The following JAZF1 variants were observed in gnomAD, a reference collection of about 807,000 sequenced individuals.
JAZF1 encodes JAZF zinc finger 1.
A neutral mutation model predicts 26.4 loss-of-function variants in JAZF1; 8 were observed. That is an observed-to-expected ratio of 0.30 (90% CI 0.18 to 0.55). JAZF1 has a LOEUF of 0.55. Ranked by LOEUF, JAZF1 falls within the 20% of genes least tolerant of loss-of-function variation. The pLI, the probability that JAZF1 is intolerant of heterozygous loss-of-function variation, is 0.94. For missense variants in JAZF1, 199 were observed against 322.0 expected, an observed-to-expected ratio of 0.62 and a Z score of 2.92; for synonymous variants, 126 against 122.3, an observed-to-expected ratio of 1.03 and a Z score of -0.20.
intron 3 of JAZF1, among the ~76,000 whole-genome samples, chr7:27,894,991 A>C (rs1784034579): frequency 6.6e-6 from 1 of 152,228 alleles, no homozygotes; most frequent in Non-Finnish European, 1.5e-5. Flanking sequence ...AAATATATTG[A>C]CAAAAAATCT....
At chr7:27,846,398 C>CGTATACGTGTATATATAT (rs1460389425) in intron 3 of JAZF1, 17 of 443,994 alleles carry the variant, frequency 3.8e-5, no homozygotes, top group Non-Finnish European at 6.0e-5. Flanking sequence ...TATACATATA[C>CGTATACGTGTATATATAT]GTATACATGT....
chr7:28,052,613 C>T (rs1402519355), intron 1 of JAZF1, among the ~76,000 whole-genome samples: 1 of 152,178 alleles, frequency 6.6e-6, no homozygotes, highest in Non-Finnish European at 1.5e-5. Flanking sequence ...AAACAAACAA[C>T]ACCTCCAATC....
chr7:28,075,135 G>A (rs1329668604), intron 1 of JAZF1, among the ~76,000 whole-genome samples: 3 of 152,058 alleles, frequency 2.0e-5, no homozygotes, highest in Non-Finnish European at 4.4e-5. Context: ...TTTATGACCC[G>A]GCAAATCAAC....
chr7:27,887,379 C>G (rs1023033553), intron 3 of JAZF1, among the ~76,000 whole-genome samples: 6 of 152,014 alleles, frequency 3.9e-5, no homozygotes, highest in African/African-American at 1.4e-4. Flanking sequence ...AGAAAAAGAT[C>G]TATTATGATT....
chr7:27,841,092 C>T (rs558094513), intron 3 of JAZF1: 192 of 478,628 alleles, frequency 4.0e-4, no homozygotes, highest in African/African-American at 2.9e-3. Flanking sequence ...GGCTTCCCAA[C>T]AATTCACAGC....
At chr7:28,077,892 T>C (rs1408599302) in intron 1 of JAZF1, among the ~76,000 whole-genome samples, 1 of 152,134 alleles carries the variant, frequency 6.6e-6, no homozygotes, top group African/African-American at 2.4e-5. Flanking sequence ...TACATCCGGG[T>C]CCTGATTTCT....
rs1782690347 is a variant in JAZF1 at position 27,831,353 on chromosome 7, T to C, written c.*1447A>G. 1 of 227,318 alleles carries C rather than the reference T, an allele frequency of 4.4e-6. No homozygotes were observed. The highest frequency in any genetic ancestry group is 8.8e-6 in the Non-Finnish European group (1 of 114,164). The allele number at this position is 227,318 out of a possible 1,614,324, so 14.1% of individuals were successfully genotyped here. Reference sequence around the variant, plus strand: ...AATGGGAACATGGGAAGAAACTTTATAAGCAATTTGAGTTTGTTTTATGGG... The same window carrying C: ...AATGGGAACATGGGAAGAAACTTTACAAGCAATTTGAGTTTGTTTTATGGG... On this transcript the variant is annotated 3_prime_UTR_variant, in exon 5 of 5. Coordinates refer to ENST00000283928, the MANE Select transcript of JAZF1 (RefSeq NM_175061.4).
chr7:27,890,015 G>A (rs753603412), intron 3 of JAZF1, among the ~76,000 whole-genome samples: 3 of 152,048 alleles, frequency 2.0e-5, no homozygotes, highest in Non-Finnish European at 2.9e-5. Flanking sequence ...ATTGTGGTTA[G>A]TGCCTACAAA....
chr7:27,981,694 C>T (rs989239148), intron 2 of JAZF1, among the ~76,000 whole-genome samples: 7 of 152,086 alleles, frequency 4.6e-5, no homozygotes, highest in Non-Finnish European at 8.8e-5. Context: ...ACATTTTTGT[C>T]AGACTATATT....
intron 1 of JAZF1, among the ~76,000 whole-genome samples, chr7:28,173,404 C>T (rs966835421): frequency 2.6e-5 from 4 of 152,104 alleles, no homozygotes; most frequent in Non-Finnish European, 5.9e-5. Context: ...TACATATACA[C>T]ACATAAATAT....
At chr7:27,963,588 G>T (rs1328143737) in intron 2 of JAZF1, among the ~76,000 whole-genome samples, 1 of 146,156 alleles carries the variant, frequency 6.8e-6, no homozygotes, top group Non-Finnish European at 1.5e-5. Context: ...TGGAGACAGG[G>T]TCTTGCTCTG....
chr7:28,155,520 G>A (rs1305589739), intron 1 of JAZF1, among the ~76,000 whole-genome samples: 4 of 152,192 alleles, frequency 2.6e-5, no homozygotes, highest in African/African-American at 9.7e-5. Context: ...CGAGGCAAGA[G>A]GAGAAATTCA....
intron 2 of JAZF1, among the ~76,000 whole-genome samples, chr7:27,931,625 G>A (rs1583468499): frequency 6.6e-6 from 1 of 152,170 alleles, no homozygotes; most frequent in Non-Finnish European, 1.5e-5. Flanking sequence ...AGACCAGCCT[G>A]GCCAATATGG....
At chr7:27,871,076 C>T (rs58753113) in intron 3 of JAZF1, among the ~76,000 whole-genome samples, 35,737 of 152,066 alleles carry the variant, frequency 0.24, 4,601 homozygotes, top group East Asian at 0.5. Context: ...GTCATTGTAA[C>T]GAGAAGTTAC....
At chr7:27,881,935 T>A (rs1264647798) in intron 3 of JAZF1, among the ~76,000 whole-genome samples, 1 of 152,170 alleles carries the variant, frequency 6.6e-6, no homozygotes, top group Non-Finnish European at 1.5e-5. Flanking sequence ...CAGAAAGAAG[T>A]CTGCTTGACT....
intron 3 of JAZF1, among the ~76,000 whole-genome samples, chr7:27,851,031 C>T (rs1404094531): frequency 6.6e-6 from 1 of 152,152 alleles, no homozygotes; most frequent in African/African-American, 2.4e-5. Flanking sequence ...CAACTTCCAC[C>T]TCCCGGGTTC....
chr7:28,125,320 T>C (rs1221800018), intron 1 of JAZF1, among the ~76,000 whole-genome samples: 4 of 152,184 alleles, frequency 2.6e-5, no homozygotes, highest in Non-Finnish European at 1.5e-5. Flanking sequence ...CTAACAATTG[T>C]AATCACAGAA....
intron 3 of JAZF1, chr7:27,841,077 G>T: frequency 1.9e-6 from 1 of 515,078 alleles, no homozygotes; most frequent in Non-Finnish European, 3.4e-6. Context: ...AGAGACCAGG[G>T]CAAGGGCTTC....
chr7:28,164,995 C>T (rs1414466783), intron 1 of JAZF1, among the ~76,000 whole-genome samples: 1 of 151,972 alleles, frequency 6.6e-6, no homozygotes, highest in East Asian at 1.9e-4. Flanking sequence ...ACAGGGAGAC[C>T]CCATCTCTAC....
Sources: allele counts gnomAD v4.1 joint callset (sites outside exome capture counted in the v4.1 genomes callset), GRCh38; gene constraint gnomAD v4.1.1; transcripts MANE v1.5; gene names NCBI Gene and HGNC (gene_info 2026-07-23, HGNC 2026-07-21).